The following ASXL3 variants were observed in gnomAD, a reference collection of about 807,000 sequenced individuals.
ASXL3 encodes the protein ASXL transcriptional regulator 3.
A neutral mutation model predicts 170.6 loss-of-function variants in ASXL3; 34 were observed. The ratio of observed to expected loss-of-function variants is 0.20; its 90% CI spans 0.15 to 0.27. The LOEUF (loss-of-function observed/expected upper bound fraction) is 0.27. ASXL3 is among the 10% of genes least tolerant of loss of function. The probability of loss-of-function intolerance (pLI) is 1.00; values close to 1 mark genes in which losing one functional copy is unlikely to be tolerated. For synonymous variants in ASXL3, 1,002 were observed against 989.1 expected (o/e 1.01, Z -0.24); for missense variants, 2,592 against 2,695.3 (o/e 0.96, Z 0.85).
intron 2 of ASXL3, among the ~76,000 whole-genome samples, chr18:33,632,530 T>C (rs893095470): frequency 3.9e-5 from 6 of 152,226 alleles, no homozygotes; most frequent in Admixed American, 1.3e-4. Context: ...TGATTTCTTC[T>C]GTATTGTCCA....
rs188572743 is a variant in ASXL3, at chr18:33,743,836, G to A, written c.3988G>A (p.Ala1330Thr). ...GCAGTTACTAATATCAAGCAGCAGTGCTAGTAACTTAGTCTCCACTCAGTA... is the reference window on the plus strand; with the variant it reads ...GCAGTTACTAATATCAAGCAGCAGTACTAGTAACTTAGTCTCCACTCAGTA... ...DKQLLISSSS[A>T]SNLVSTQYTS... The change falls in exon 12 of 12, where the codon GCT becomes ACT. Residue 1330 changes from alanine (A) to threonine (T), a missense_variant. Around this residue, in one of 4 missense-constraint regions of ASXL3, gnomAD observed 2,246 missense variants for 2,219.6 expected, o/e 1.01. Transcript: ENST00000269197. The A allele has an allele frequency of 1.4e-5, 22 of 1,614,020 alleles. No individual in the cohort carries two copies. The Admixed American group carries it at 3.2e-4, about 23-fold the overall frequency.
intron 8 of ASXL3, among the ~76,000 whole-genome samples, chr18:33,727,297 G>C (rs1332449109): frequency 5.3e-5 from 8 of 152,050 alleles, no homozygotes; most frequent in African/African-American, 1.9e-4. Context: ...AAGTGGTTTA[G>C]AAAATAGAGG....
chr18:33,644,752 A>AT, intron 2 of ASXL3, 142 bp from the exon 3 acceptor site: 1 of 465,408 alleles, frequency 2.1e-6, no homozygotes, highest in Admixed American at 3.7e-5. Flanking sequence ...TTGAGAGGGT[A>AT]TTTTTAAAAG....
chr18:33,717,944 C>T (rs1221410050), intron 8 of ASXL3, among the ~76,000 whole-genome samples: 7 of 152,048 alleles, frequency 4.6e-5, no homozygotes, highest in Non-Finnish European at 8.8e-5. Flanking sequence ...TTGATAACCC[C>T]TAAGCAAAAG....
chr18:33,713,350 C>CT (rs2067112059), intron 8 of ASXL3, among the ~76,000 whole-genome samples: 1 of 144,124 alleles, frequency 6.9e-6, no homozygotes, highest in African/African-American at 2.6e-5. Context: ...CACCCCCCCC[C>CT]GGGTTCAAGT....
chr18:33,746,650 C>A lies in ASXL3; in HGVS notation c.*55C>A, dbSNP rs2067800203. On this transcript the variant is annotated 3_prime_UTR_variant, in exon 12 of 12. Coordinates refer to ENST00000269197, the MANE Select transcript of ASXL3 (RefSeq NM_030632.3). ...TCCACACGGAAAAGCCAAATAGCAT[C>A]AGCAACAACAAATAGAATAATGCAG... 1.3e-6 allele frequency: 2 copies of A among 1,505,940 alleles called. No individual in the cohort carries two copies. The highest frequency in any genetic ancestry group is 1.4e-5 in the South Asian group (1 of 74,064). 93.3% of individuals were successfully genotyped at this position (1,505,940 alleles called of 1,614,324 possible). A position where few individuals can be genotyped will look rare whatever the true frequency, so the allele number is the denominator to read the frequency against.
intron 8 of ASXL3, among the ~76,000 whole-genome samples, chr18:33,704,469 T>C (rs998146482): frequency 3.3e-5 from 5 of 152,062 alleles, no homozygotes; most frequent in Non-Finnish European, 7.4e-5. Flanking sequence ...ATGGTAGGTT[T>C]TAAGTGATCA....
intron 5 of ASXL3, among the ~76,000 whole-genome samples, chr18:33,665,316 A>G (rs2066240280): frequency 6.6e-6 from 1 of 152,294 alleles, no homozygotes; most frequent in Non-Finnish European, 1.5e-5. Context: ...AAGCAGATCT[A>G]TTCTTGGTAT....
intron 4 of ASXL3, among the ~76,000 whole-genome samples, chr18:33,653,011 G>A (rs1248080461): frequency 6.6e-6 from 1 of 152,026 alleles, no homozygotes; most frequent in Admixed American, 6.6e-5. Context: ...TTTTATACAA[G>A]GCTACAAAAA....
At chr18:33,736,854 A>G (rs1432811000) in intron 10 of ASXL3, among the ~76,000 whole-genome samples, 1 of 152,180 alleles carries the variant, frequency 6.6e-6, no homozygotes, top group Non-Finnish European at 1.5e-5. Context: ...CGTGAAAATA[A>G]GAAAATGTTG....
chr18:33,724,407 T>C (rs981664686), intron 8 of ASXL3, among the ~76,000 whole-genome samples: 3 of 152,088 alleles, frequency 2.0e-5, no homozygotes, highest in African/African-American at 7.2e-5. Flanking sequence ...AATTGTCCCA[T>C]TTTCAGATCT....
intron 8 of ASXL3, among the ~76,000 whole-genome samples, chr18:33,686,308 G>A (rs1424069107): frequency 7.9e-5 from 12 of 152,136 alleles, no homozygotes; most frequent in Non-Finnish European, 1.5e-4. Context: ...AACTTCATAC[G>A]CAAGTGTAAT....
chr18:33,746,398 C>T lies in ASXL3; in HGVS notation c.6550C>T (p.Pro2184Ser). 6.2e-7 allele frequency: 1 copy of T among 1,613,890 alleles called. No individual in the cohort carries two copies. The change falls in exon 12 of 12, where the codon CCT becomes TCT. Residue 2184 changes from proline to serine, a missense_variant. Physicochemically the swap from Pro to Ser is moderately conservative, Grantham distance 74. Coordinates refer to ENST00000269197, the MANE Select transcript of ASXL3 (RefSeq NM_030632.3). ...TGGGATTTTGGGAAGTGGCTCCAATCCTGCCACAGGCTTGTCTGGTCAGAA... is the reference window on the plus strand; with the variant it reads ...TGGGATTTTGGGAAGTGGCTCCAATTCTGCCACAGGCTTGTCTGGTCAGAA... ...SIGILGSGSNPATGLSGQNAQ... is the reference protein window; with the variant it reads ...SIGILGSGSNSATGLSGQNAQ...
intron 1 of ASXL3, among the ~76,000 whole-genome samples, chr18:33,583,033 C>G (rs1488563749): frequency 6.6e-6 from 1 of 152,016 alleles, no homozygotes; most frequent in Non-Finnish European, 1.5e-5. Flanking sequence ...GTTAGGATTT[C>G]TATAAAATAA....
chr18:33,735,768 C>G (rs891835680), intron 10 of ASXL3, among the ~76,000 whole-genome samples: 1 of 151,082 alleles, frequency 6.6e-6, no homozygotes, highest in Non-Finnish European at 1.5e-5. Context: ...AGCATTGGTT[C>G]TTAATTTTTT....
intron 4 of ASXL3, among the ~76,000 whole-genome samples, chr18:33,652,421 G>A (rs2066013432): frequency 1.3e-5 from 2 of 151,688 alleles, no homozygotes; most frequent in Admixed American, 1.3e-4. Flanking sequence ...CCCTAATATA[G>A]TTCAGGCTTA....
At chr18:33,723,967 C>G (rs867637901) in intron 8 of ASXL3, among the ~76,000 whole-genome samples, 15 of 152,172 alleles carry the variant, frequency 9.9e-5, no homozygotes, top group African/African-American at 3.6e-4. Context: ...TAAGTAATAA[C>G]GTATTTTTAA....
At chr18:33,741,729 A>G (rs1162846104) in intron 11 of ASXL3, among the ~76,000 whole-genome samples, 3 of 152,238 alleles carry the variant, frequency 2.0e-5, no homozygotes, top group African/African-American at 7.2e-5. Flanking sequence ...GAGAAAAAGG[A>G]AACAGAATAC....
chr18:33,668,463 A>G (rs1438114203), intron 5 of ASXL3, among the ~76,000 whole-genome samples: 1 of 151,746 alleles, frequency 6.6e-6, no homozygotes, highest in East Asian at 1.9e-4. Flanking sequence ...AAATCTTTTT[A>G]TATAGTAGGC....
Sources: gnomAD v4.1 joint callset for allele counts (sites outside exome capture counted in the v4.1 genomes callset) on GRCh38, gnomAD v4.1.1 for gene constraint, gnomAD v4.1.1 regional missense constraint, MANE v1.5 for transcripts, NCBI Gene and HGNC (gene_info 2026-07-23, HGNC 2026-07-21) for gene names.